Variants in ZMAT4 observed in about 807,000 individuals in gnomAD.
ZMAT4 encodes the protein zinc finger matrin-type protein 4.
ZMAT4 carries 17 observed loss-of-function variants against 28.7 expected under a neutral mutation model. The ratio of observed to expected loss-of-function variants is 0.59; its 90% CI spans 0.41 to 0.89. The LOEUF (loss-of-function observed/expected upper bound fraction) is 0.89, where lower values mean the gene tolerates loss of function less well. Among genes scored for constraint, ZMAT4 ranks in the 40% least tolerant of loss-of-function variants. The probability of loss-of-function intolerance (pLI) is 0.00; values close to 1 mark genes in which losing one functional copy is unlikely to be tolerated. For missense variants in ZMAT4, 240 were observed against 283.8 expected (o/e 0.85, Z 1.11); for synonymous variants, 117 against 109.2 (o/e 1.07, Z -0.44).
intron 1 of ZMAT4, among the ~76,000 whole-genome samples, chr8:40,892,251 G>C (rs1184952394): frequency 6.6e-6 from 1 of 152,156 alleles, no homozygotes; most frequent in Non-Finnish European, 1.5e-5. Flanking sequence ...CCCTTCATAA[G>C]ATTCAGATTA....
intron 3 of ZMAT4, among the ~76,000 whole-genome samples, chr8:40,700,907 T>C (rs1475533071): frequency 2.0e-5 from 3 of 152,210 alleles, no homozygotes; most frequent in African/African-American, 4.8e-5. Flanking sequence ...TCATTGATAG[T>C]GAGGAGCCAG....
At chr8:40,723,800 C>T (rs1811207716) in intron 3 of ZMAT4, among the ~76,000 whole-genome samples, 2 of 152,016 alleles carry the variant, frequency 1.3e-5, no homozygotes, top group South Asian at 2.1e-4. Context: ...TAGATTTTTG[C>T]CCTTTGTCTT....
At chr8:40,826,406 A>G (rs997444572) in intron 1 of ZMAT4, among the ~76,000 whole-genome samples, 3 of 152,216 alleles carry the variant, frequency 2.0e-5, no homozygotes, top group Non-Finnish European at 2.9e-5. Flanking sequence ...AAATTATAAC[A>G]TAATTTTAAT....
At chr8:40,720,319 A>C (rs1175604373) in intron 3 of ZMAT4, among the ~76,000 whole-genome samples, 1 of 152,118 alleles carries the variant, frequency 6.6e-6, no homozygotes, top group African/African-American at 2.4e-5. Flanking sequence ...CAACTTAATA[A>C]AATCTACACT....
intron 6 of ZMAT4, among the ~76,000 whole-genome samples, chr8:40,536,980 C>A (rs1400322160): frequency 1.3e-5 from 2 of 151,806 alleles, no homozygotes; most frequent in Non-Finnish European, 2.9e-5. Flanking sequence ...AGGAAGATGG[C>A]TTTGTTCTCT....
At chr8:40,891,272 A>AGGGGGGAGGGGGAAGGGGGGAG (rs1818673754) in intron 1 of ZMAT4, among the ~76,000 whole-genome samples, 3 of 98,016 alleles carry the variant, frequency 3.1e-5, no homozygotes, top group Non-Finnish European at 4.2e-5. Context: ...GGGAGGGGGA[A>AGGGGGGAGGGGGAAGGGGGGAG]GGGGAAATTG....
At chr8:40,569,953 G>C (rs1268158446) in intron 6 of ZMAT4, among the ~76,000 whole-genome samples, 1 of 152,124 alleles carries the variant, frequency 6.6e-6, no homozygotes, top group Non-Finnish European at 1.5e-5. Flanking sequence ...GAGATTGTTG[G>C]AATTGATTGG....
At chr8:40,532,639 C>T (rs1191191181) in intron 6 of ZMAT4, among the ~76,000 whole-genome samples, 1 of 152,072 alleles carries the variant, frequency 6.6e-6, no homozygotes, top group Non-Finnish European at 1.5e-5. Context: ...GGCTAAATTT[C>T]AAATTAATAT....
intron 2 of ZMAT4, among the ~76,000 whole-genome samples, chr8:40,794,214 G>A (rs957223286): frequency 1.3e-5 from 2 of 152,090 alleles, no homozygotes; most frequent in Non-Finnish European, 2.9e-5. Flanking sequence ...TTCTTACAGG[G>A]TAAGATGCTT....
intron 2 of ZMAT4, among the ~76,000 whole-genome samples, chr8:40,822,651 G>A (rs1041815804): frequency 3.3e-5 from 5 of 152,160 alleles, no homozygotes; most frequent in South Asian, 2.1e-4. Context: ...TGGGGAGGCC[G>A]GAAATTGATA....
chr8:40,785,235 AATTTCATCCT>A (rs1814017722), intron 2 of ZMAT4, among the ~76,000 whole-genome samples: 2 of 152,316 alleles, frequency 1.3e-5, no homozygotes, highest in South Asian at 2.1e-4. Context: ...CCAGAACACT[AATTTCATCCT>A]ATACTGACCT....
intron 1 of ZMAT4, among the ~76,000 whole-genome samples, chr8:40,847,207 A>C (rs1816935115): frequency 1.1e-5 from 1 of 94,894 alleles, no homozygotes; most frequent in African/African-American, 4.4e-5. Flanking sequence ...CCATCTAAAA[A>C]AACAAACAAA....
chr8:40,576,377 G>T (rs945304945), intron 6 of ZMAT4, among the ~76,000 whole-genome samples: 2 of 151,660 alleles, frequency 1.3e-5, no homozygotes, highest in Non-Finnish European at 2.9e-5. Flanking sequence ...CGGTCAAACT[G>T]TCAAAAGTCA....
intron 3 of ZMAT4, among the ~76,000 whole-genome samples, chr8:40,721,233 G>GT (rs1439495241): frequency 1.7e-4 from 25 of 144,618 alleles, no homozygotes; most frequent in African/African-American, 6.5e-4. Context: ...GGAGTGTTTG[G>GT]TTTTTTGTTC....
chr8:40,719,359 T>G (rs1810983637), intron 3 of ZMAT4, among the ~76,000 whole-genome samples: 1 of 152,124 alleles, frequency 6.6e-6, no homozygotes, highest in Non-Finnish European at 1.5e-5. Flanking sequence ...AGATAATTGC[T>G]TGAACCTTGG....
At chr8:40,652,527 A>C (rs1807719468) in intron 5 of ZMAT4, among the ~76,000 whole-genome samples, 1 of 42,104 alleles carries the variant, frequency 2.4e-5, no homozygotes. Context: ...CAGTGTGGCG[A>C]TTCCTCACGG....
At chr8:40,567,600 G>T (rs1392640919) in intron 6 of ZMAT4, among the ~76,000 whole-genome samples, 1 of 151,772 alleles carries the variant, frequency 6.6e-6, no homozygotes, top group Non-Finnish European at 1.5e-5. Flanking sequence ...TCCAGAGGCT[G>T]AGGCAGGGGA....
intron 1 of ZMAT4, among the ~76,000 whole-genome samples, chr8:40,888,275 C>T (rs1312762393): frequency 6.6e-6 from 1 of 152,174 alleles, no homozygotes; most frequent in African/African-American, 2.4e-5. Context: ...CTAGCTCATT[C>T]CATGCCTGGC....
chr8:40,755,627 A>G (rs1353688501), intron 3 of ZMAT4, among the ~76,000 whole-genome samples: 1 of 151,794 alleles, frequency 6.6e-6, no homozygotes, highest in African/African-American at 2.4e-5. Flanking sequence ...TAATTTTTGT[A>G]TTTTTTGTAG....
Sources: allele counts gnomAD v4.1 joint callset (sites outside exome capture counted in the v4.1 genomes callset), GRCh38; gene constraint gnomAD v4.1.1; transcripts MANE v1.5; gene names NCBI Gene and HGNC (gene_info 2026-07-23, HGNC 2026-07-21).